The following CMC1 variants were observed in gnomAD, a reference collection of about 807,000 sequenced individuals.
The protein encoded by CMC1 is COX assembly mitochondrial protein homolog.
Under a neutral mutation model 14.1 loss-of-function variants are expected in CMC1, and 14 were observed. The ratio of observed to expected loss-of-function variants is 0.99; its 90% CI spans 0.66 to 1.55. The LOEUF (loss-of-function observed/expected upper bound fraction) is 1.55, where lower values mean the gene tolerates loss of function less well. Among genes scored for constraint, CMC1 ranks in the 40% most tolerant of loss-of-function variants. The pLI, the probability that CMC1 is intolerant of heterozygous loss-of-function variation, is 0.00. For missense variants in CMC1, 127 were observed against 123.8 expected (o/e 1.03, Z -0.12); for synonymous variants, 50 against 38.4 (o/e 1.30, Z -1.12).
chr3:28,286,288 G>A (rs965466608), intron 2 of CMC1, among the ~76,000 whole-genome samples: 3 of 152,018 alleles, frequency 2.0e-5, no homozygotes, highest in African/African-American at 7.2e-5. Context: ...TAACTTAGTC[G>A]GGCAGCAAGG....
At position 28,323,612 on chromosome 3, in the gene CMC1, C is replaced by CT. The variant is rs1703263193; in HGVS notation, c.*3984dup. The CT allele has an allele frequency of 6.5e-6, 1 of 153,558 alleles. No homozygotes were observed. Among genetic ancestry groups the CT allele is most frequent in the Admixed American group, 6.5e-5 (1 of 15,362 alleles). 9.5% of individuals were successfully genotyped at this position (153,558 alleles called of 1,614,324 possible). On this transcript the variant is annotated 3_prime_UTR_variant, in exon 4 of 4. Coordinates refer to ENST00000466830, the MANE Select transcript of CMC1 (RefSeq NM_182523.2). ...CGCATTATAACAACAGAAATGTAAC[C>CT]TACTCACATTGCCATTTGTTCCATT...
At chr3:28,263,131 A>G (rs1261015766) in intron 1 of CMC1, 160 bp from the exon 2 acceptor site, 1 of 567,818 alleles carries the variant, frequency 1.8e-6, no homozygotes, top group African/African-American at 2.0e-5. Flanking sequence ...CATTGCAAAT[A>G]GGATGAGTTT....
chr3:28,253,857 C>T, intron 1 of CMC1: 2 of 534,334 alleles, frequency 3.7e-6, no homozygotes, highest in South Asian at 3.3e-5. Flanking sequence ...ATTGAAAGGG[C>T]ATAACTTGCC....
intron 2 of CMC1, among the ~76,000 whole-genome samples, chr3:28,285,861 GGTTC>G (rs1701148179): frequency 1.3e-5 from 2 of 151,662 alleles, no homozygotes; most frequent in African/African-American, 4.8e-5. Context: ...CTGCCTCCTG[GGTTC>G]ACGCCATTCT....
At chr3:28,293,757 T>C (rs557975694) in intron 2 of CMC1, among the ~76,000 whole-genome samples, 7 of 152,136 alleles carry the variant, frequency 4.6e-5, no homozygotes, top group South Asian at 2.1e-4. Context: ...AATTTTTGTA[T>C]TTTTAGTAGA....
intron 2 of CMC1, among the ~76,000 whole-genome samples, chr3:28,303,091 GCTTA>G (rs1483878262): frequency 6.6e-6 from 1 of 152,132 alleles, no homozygotes; most frequent in Admixed American, 6.6e-5. Context: ...TAAAAATAGT[GCTTA>G]CTTGATCGTG....
chr3:28,306,607 A>T (rs1702322866), intron 2 of CMC1, among the ~76,000 whole-genome samples: 2 of 151,888 alleles, frequency 1.3e-5, no homozygotes, highest in African/African-American at 4.8e-5. Context: ...AATATATAAT[A>T]ATTGTTGGTG....
chr3:28,288,322 T>C (rs541703327), intron 2 of CMC1, among the ~76,000 whole-genome samples: 137 of 152,200 alleles, frequency 9.0e-4, no homozygotes, highest in Non-Finnish European at 1.4e-3. Flanking sequence ...AGCCAAGTGA[T>C]ATCAAATAAT....
chr3:28,310,503 C>T (rs1288345953), intron 2 of CMC1, among the ~76,000 whole-genome samples: 1 of 152,170 alleles, frequency 6.6e-6, no homozygotes, highest in Non-Finnish European at 1.5e-5. Context: ...ATTATAAACA[C>T]AATAAATATT....
At chr3:28,294,454 A>G in intron 2 of CMC1, 1 of 974,894 alleles carries the variant, frequency 1.0e-6, no homozygotes, top group Non-Finnish European at 1.2e-6. Context: ...TTTTTGTGAA[A>G]CATTGCAGAT....
At chr3:28,307,975 T>C (rs1313468926) in intron 2 of CMC1, among the ~76,000 whole-genome samples, 1 of 152,174 alleles carries the variant, frequency 6.6e-6, no homozygotes, top group African/African-American at 2.4e-5. Flanking sequence ...CAAGATAGAA[T>C]CTCTCTGACT....
chr3:28,244,805 A>G (rs1698726035), intron 1 of CMC1, among the ~76,000 whole-genome samples: 1 of 152,034 alleles, frequency 6.6e-6, no homozygotes, highest in East Asian at 1.9e-4. Flanking sequence ...GGTCAAATCT[A>G]ACAATGTGAT....
intron 2 of CMC1, among the ~76,000 whole-genome samples, chr3:28,301,606 A>T (rs1702051562): frequency 6.6e-6 from 1 of 151,736 alleles, no homozygotes; most frequent in Non-Finnish European, 1.5e-5. Flanking sequence ...AATTTGGAGA[A>T]TTTACTGTCC....
At chr3:28,301,769 G>A (rs781275807) in intron 2 of CMC1, among the ~76,000 whole-genome samples, 1 of 152,108 alleles carries the variant, frequency 6.6e-6, no homozygotes, top group African/African-American at 2.4e-5. Flanking sequence ...TGAGGAGGCA[G>A]CAATGTTTAA....
At chr3:28,274,212 G>GTTTTTTTTTTTTTTTTTTTTTTTTTTT (rs376321066) in intron 2 of CMC1, among the ~76,000 whole-genome samples, 5 of 88,168 alleles carry the variant, frequency 5.7e-5, no homozygotes, top group East Asian at 3.6e-4. Context: ...AAGTGTTTTT[G>GTTTTTTTTTTTTTTTTTTTTTTTTTTT]TTTTTTTCTT....
chr3:28,293,097 A>G (rs1275575004), intron 2 of CMC1: 1 of 152,114 alleles, frequency 6.6e-6, no homozygotes, highest in Non-Finnish European at 1.5e-5. Context: ...ACATCTCTAA[A>G]TAGTAATTTT....
intron 2 of CMC1, among the ~76,000 whole-genome samples, chr3:28,310,463 A>T (rs1702582668): frequency 6.6e-6 from 1 of 152,244 alleles, no homozygotes; most frequent in African/African-American, 2.4e-5. Context: ...CTAAAACGTG[A>T]ATCATTAATT....
intron 2 of CMC1, among the ~76,000 whole-genome samples, chr3:28,274,776 A>G (rs1481842045): frequency 2.7e-5 from 4 of 148,624 alleles, no homozygotes; most frequent in Non-Finnish European, 6.0e-5. Flanking sequence ...GTCTTTTTAC[A>G]TAATCCCATA....
At chr3:28,292,381 T>G (rs930966386) in intron 2 of CMC1, among the ~76,000 whole-genome samples, 10 of 152,096 alleles carry the variant, frequency 6.6e-5, no homozygotes, top group Non-Finnish European at 1.2e-4. Context: ...GACTAGTTTT[T>G]TCTATCTAGA....
Sources: gnomAD v4.1 joint callset for allele counts (sites outside exome capture counted in the v4.1 genomes callset) on GRCh38, gnomAD v4.1.1 for gene constraint, MANE v1.5 for transcripts, NCBI Gene and HGNC (gene_info 2026-07-23, HGNC 2026-07-21) for gene names.